The following ERBB4 variants were observed in gnomAD, a reference collection of about 807,000 sequenced individuals.
ERBB4 encodes receptor tyrosine-protein kinase erbB-4.
Under a neutral mutation model 158.0 loss-of-function variants are expected in ERBB4, and 42 were observed. The ratio of observed to expected loss-of-function variants is 0.27; its 90% CI spans 0.21 to 0.34. The LOEUF is 0.34. Among genes scored for constraint, ERBB4 ranks in the 10% least tolerant of loss-of-function variants. The pLI is 1.00. For synonymous variants in ERBB4, 583 were observed against 558.7 expected (o/e 1.04, Z -0.61); for missense variants, 1,333 against 1,624.1 (o/e 0.82, Z 3.08).
At chr2:212,197,108 A>C (rs773852092) in intron 1 of ERBB4, among the ~76,000 whole-genome samples, 16 of 152,174 alleles carry the variant, frequency 1.1e-4, no homozygotes, top group Non-Finnish European at 2.2e-4. Context: ...GGGAAGAGAC[A>C]AATTTGAGAA....
rs2089838666 is a variant in ERBB4 at position 212,365,147 on chromosome 2, C to A, written c.82+173302G>T. On this transcript the variant is annotated intron_variant, in intron 1 of 27. Coordinates refer to ENST00000342788, the MANE Select transcript of ERBB4 (RefSeq NM_005235.3). ...TCACAATACATGACTAAAATCCTTT[C>A]TTTTAGGAACACAAAATAAGGTTTG... Among the ~76,000 whole-genome samples, 5 of 151,404 alleles carry A rather than the reference C, an allele frequency of 3.3e-5. No individual in the cohort carries two copies. The South Asian group carries it at 1.0e-3, about 31-fold the overall frequency.
intron 1 of ERBB4, among the ~76,000 whole-genome samples, chr2:212,211,617 T>TAAAAAAA (rs766982489): frequency 2.1e-5 from 2 of 95,114 alleles, no homozygotes; most frequent in Non-Finnish European, 4.4e-5. Context: ...AAAATTTATC[T>TAAAAAAA]AAAAAAAAAA....
chr2:211,865,793 C>T (rs1291490774), intron 3 of ERBB4, among the ~76,000 whole-genome samples: 2 of 152,116 alleles, frequency 1.3e-5, no homozygotes, highest in Non-Finnish European at 2.9e-5. Flanking sequence ...AACCACAAGT[C>T]GTGCCAGTTC....
Position 212,215,847 on chromosome 2 carries a change from T to C in ERBB4, c.83-90944A>G, listed in dbSNP as rs2083082152. Reference sequence around the variant, plus strand: ...GCCTACTTTTCTTAAATTGATTTATTAATGTCCAAGGTTGCTTTGCAGTTT... The same window carrying C: ...GCCTACTTTTCTTAAATTGATTTATCAATGTCCAAGGTTGCTTTGCAGTTT... On this transcript the variant is annotated intron_variant, in intron 1 of 27. Transcript: ENST00000342788. 3.3e-5 allele frequency among the ~76,000 whole-genome samples: 5 copies of C among 151,490 alleles called. No homozygotes were observed. The Admixed American group carries it at 3.3e-4, about 10-fold the overall frequency.
chr2:212,389,570 C>T (rs865812122), intron 1 of ERBB4, among the ~76,000 whole-genome samples: 1 of 152,010 alleles, frequency 6.6e-6, no homozygotes, highest in Non-Finnish European at 1.5e-5. Flanking sequence ...TTATACAATA[C>T]TTTAGCAAAT....
At chr2:211,653,456 T>TC (rs1249922100) in intron 16 of ERBB4, among the ~76,000 whole-genome samples, 22 of 121,748 alleles carry the variant, frequency 1.8e-4, no homozygotes, top group Non-Finnish European at 2.1e-4. Flanking sequence ...ATTTAAATCT[T>TC]CCCCCCCGCC....
chr2:212,175,838 G>A (rs960582580), intron 1 of ERBB4, among the ~76,000 whole-genome samples: 2 of 151,928 alleles, frequency 1.3e-5, no homozygotes, highest in East Asian at 3.9e-4. Flanking sequence ...TCATCTATAA[G>A]TAAATCCCTT....
intron 19 of ERBB4, among the ~76,000 whole-genome samples, chr2:211,607,403 T>TA (rs1466782018): frequency 6.6e-6 from 1 of 152,206 alleles, no homozygotes; most frequent in Non-Finnish European, 1.5e-5. Context: ...GACTTCTACT[T>TA]ACAGCTTCTA....
chr2:212,004,042 A>G (rs1474568749), intron 2 of ERBB4, among the ~76,000 whole-genome samples: 1 of 152,228 alleles, frequency 6.6e-6, no homozygotes, highest in Admixed American at 6.5e-5. Context: ...TATAACTACT[A>G]CTGATAAAAT....
At chr2:211,582,651 T>C (rs1238262575) in intron 19 of ERBB4, among the ~76,000 whole-genome samples, 1 of 152,180 alleles carries the variant, frequency 6.6e-6, no homozygotes, top group African/African-American at 2.4e-5. Context: ...AAAGAATTCA[T>C]ATATTCAGAG....
At chr2:211,480,121 T>C (rs1042005461) in intron 20 of ERBB4, among the ~76,000 whole-genome samples, 5 of 152,198 alleles carry the variant, frequency 3.3e-5, no homozygotes, top group African/African-American at 1.2e-4. Flanking sequence ...TTTTTTCTTC[T>C]TGTTACATGC....
At chr2:212,043,717 A>G (rs1235057441) in intron 2 of ERBB4, among the ~76,000 whole-genome samples, 2 of 152,158 alleles carry the variant, frequency 1.3e-5, no homozygotes, top group African/African-American at 4.8e-5. Context: ...ATTAGAGAGT[A>G]AGAACCTGAC....
chr2:212,023,648 G>A (rs375420767), intron 2 of ERBB4, among the ~76,000 whole-genome samples: 2 of 151,572 alleles, frequency 1.3e-5, no homozygotes, highest in African/African-American at 4.8e-5. Flanking sequence ...AATTTACTGA[G>A]ATGGATAATA....
At chr2:212,365,955 T>C (rs922883306) in intron 1 of ERBB4, among the ~76,000 whole-genome samples, 3 of 151,808 alleles carry the variant, frequency 2.0e-5, no homozygotes, top group Admixed American at 1.3e-4. Flanking sequence ...ATTAAGCATA[T>C]AGTAGAAAAA....
intron 1 of ERBB4, among the ~76,000 whole-genome samples, chr2:212,524,399 G>T (rs1050925829): frequency 2.0e-5 from 3 of 151,908 alleles, no homozygotes; most frequent in Non-Finnish European, 4.4e-5. Flanking sequence ...TATTCATTCT[G>T]ACTAATAATA....
intron 20 of ERBB4, among the ~76,000 whole-genome samples, chr2:211,557,025 T>G (rs1014004937): frequency 2.0e-5 from 3 of 152,180 alleles, no homozygotes; most frequent in Non-Finnish European, 4.4e-5. Flanking sequence ...GATTTCCTAT[T>G]TAATAAATGG....
rs149553619 is a variant in ERBB4 at position 212,253,175 on chromosome 2, C to T, written c.83-128272G>A. On this transcript the variant is annotated intron_variant, in intron 1 of 27. Coordinates refer to ENST00000342788, the MANE Select transcript of ERBB4 (RefSeq NM_005235.3). Reference sequence around the variant, plus strand: ...AAAGTGATACCACATAATCTGTAATCGTTCTGGGGCTCCTTGACTAACATG... The same window carrying T: ...AAAGTGATACCACATAATCTGTAATTGTTCTGGGGCTCCTTGACTAACATG... 1.0e-3 allele frequency among the ~76,000 whole-genome samples: 157 copies of T among 152,184 alleles called. 1 individual carries two copies. Among genetic ancestry groups the T allele is most frequent in the Non-Finnish European group, 1.2e-3 (83 of 67,980 alleles).
At chr2:211,708,073 T>C (rs1158925588) in intron 9 of ERBB4, among the ~76,000 whole-genome samples, 1 of 151,964 alleles carries the variant, frequency 6.6e-6, no homozygotes, top group Non-Finnish European at 1.5e-5. Flanking sequence ...TTGTTCACCT[T>C]TAAAATATCT....
In ERBB4 at chr2:212,172,719, G is replaced by A. The variant is rs376304611; in HGVS notation, c.83-47816C>T. ...TATCACGTGTTCTCACTTATAAGTG[G>A]GAGCTAAATGATGAGAACACATGGA... On this transcript the variant is annotated intron_variant, in intron 1 of 27. Transcript: ENST00000342788. Among the ~76,000 whole-genome samples, 6 of 152,104 alleles carry A rather than the reference G, an allele frequency of 3.9e-5. 1 individual carries two copies. The highest frequency in any genetic ancestry group is 1.4e-4 in the African/African-American group (6 of 41,520).
Sources: allele counts gnomAD v4.1 joint callset (sites outside exome capture counted in the v4.1 genomes callset), GRCh38; gene constraint gnomAD v4.1.1; transcripts MANE v1.5; gene names NCBI Gene and HGNC (gene_info 2026-07-23, HGNC 2026-07-21).